TNFSF4: variants seen among roughly 807,000 people sequenced by gnomAD.
TNFSF4 encodes tumor necrosis factor ligand superfamily member 4.
A neutral mutation model predicts 7.3 loss-of-function variants in TNFSF4; 4 were observed. The ratio of observed to expected loss-of-function variants is 0.55; its 90% confidence interval spans 0.27 to 1.25. The LOEUF is 1.25. Ranked by LOEUF, TNFSF4 falls within the 50% of genes most tolerant of loss-of-function variation. TNFSF4 has a pLI of 0.12. For missense variants in TNFSF4, 181 were observed against 208.8 expected (o/e 0.87, Z 0.82); for synonymous variants, 76 against 83.7 (o/e 0.91, Z 0.50).
chr1:173,177,863 A>G, the TNFSF4 span, among the ~76,000 whole-genome samples: 1 of 152,230 alleles, frequency 6.6e-6, no homozygotes, highest in Non-Finnish European at 1.5e-5. Flanking sequence ...AATTCAAAAA[A>G]AGTAAAAGAT....
the TNFSF4 span, among the ~76,000 whole-genome samples, chr1:173,426,752 C>T: frequency 6.6e-6 from 1 of 152,114 alleles, no homozygotes; most frequent in Non-Finnish European, 1.5e-5. Flanking sequence ...ACCACCACAC[C>T]CAGCAGATTT....
the TNFSF4 span, among the ~76,000 whole-genome samples, chr1:173,335,399 G>T: frequency 6.6e-6 from 1 of 152,102 alleles, no homozygotes; most frequent in South Asian, 2.1e-4. Context: ...CTCCGTAGGG[G>T]CCAGACATTA....
At chr1:173,350,498 C>T in the TNFSF4 span, among the ~76,000 whole-genome samples, 2 of 152,142 alleles carry the variant, frequency 1.3e-5, no homozygotes, top group Non-Finnish European at 2.9e-5. Context: ...CAGTTTCATT[C>T]TGATGATAAG....
chr1:173,300,392 C>T, the TNFSF4 span, among the ~76,000 whole-genome samples: 7 of 151,858 alleles, frequency 4.6e-5, no homozygotes, highest in Admixed American at 4.6e-4. Context: ...ATAGTATCTG[C>T]CACTTGGATT....
chr1:173,240,437 A>G, the TNFSF4 span, among the ~76,000 whole-genome samples: 1 of 152,224 alleles, frequency 6.6e-6, no homozygotes, highest in Admixed American at 6.5e-5. Context: ...AATAAAAGCA[A>G]TTAAATCTAA....
the TNFSF4 span, among the ~76,000 whole-genome samples, chr1:173,284,637 T>C: frequency 6.6e-6 from 1 of 152,168 alleles, no homozygotes; most frequent in Non-Finnish European, 1.5e-5. Flanking sequence ...TGACTTTAAG[T>C]TGAAGCCAAT....
chr1:173,212,638 A>G, the TNFSF4 span, among the ~76,000 whole-genome samples: 1 of 151,882 alleles, frequency 6.6e-6, no homozygotes, highest in Non-Finnish European at 1.5e-5. Flanking sequence ...TAGGGTGACT[A>G]TAGTCAATAA....
At chr1:173,235,869 G>C in the TNFSF4 span, among the ~76,000 whole-genome samples, 2 of 152,102 alleles carry the variant, frequency 1.3e-5, no homozygotes, top group Non-Finnish European at 2.9e-5. Context: ...TCATCTTGCT[G>C]GACTTAATGC....
the TNFSF4 span, among the ~76,000 whole-genome samples, chr1:173,247,840 T>A: frequency 6.6e-6 from 1 of 152,214 alleles, no homozygotes; most frequent in Non-Finnish European, 1.5e-5. Flanking sequence ...TAGTTGGATA[T>A]GGTCTCTGCC....
At chr1:173,319,365 A>G in the TNFSF4 span, among the ~76,000 whole-genome samples, 1 of 152,124 alleles carries the variant, frequency 6.6e-6, no homozygotes, top group East Asian at 1.9e-4. Flanking sequence ...TAAATCTCTC[A>G]TCTCCCTGGG....
chr1:173,272,724 T>C, the TNFSF4 span, among the ~76,000 whole-genome samples: 1 of 152,160 alleles, frequency 6.6e-6, no homozygotes, highest in Non-Finnish European at 1.5e-5. Flanking sequence ...TCCCCAAAAA[T>C]GTTGCCACGA....
chr1:173,262,928 C>G, the TNFSF4 span, among the ~76,000 whole-genome samples: 1 of 152,174 alleles, frequency 6.6e-6, no homozygotes, highest in Non-Finnish European at 1.5e-5. Context: ...TGATAAACAA[C>G]TTCGGCAACA....
chr1:173,241,351 A>G, the TNFSF4 span, among the ~76,000 whole-genome samples: 2 of 152,178 alleles, frequency 1.3e-5, no homozygotes, highest in African/African-American at 4.8e-5. Flanking sequence ...GACCCCCCTG[A>G]TCTGAATATA....
chr1:173,307,599 T>C, the TNFSF4 span, among the ~76,000 whole-genome samples: 98 of 152,076 alleles, frequency 6.4e-4, no homozygotes, highest in Admixed American at 1.0e-3. Flanking sequence ...TTAAATTTTC[T>C]GAATGCAATA....
At chr1:173,210,301 A>C (rs1159517932), upstream of TNFSF4, among the ~76,000 whole-genome samples, 3 of 152,202 alleles carry the variant, frequency 2.0e-5, no homozygotes, top group African/African-American at 7.2e-5. Flanking sequence ...GTATCAGTGC[A>C]GAAGGGAAGG....
chr1:173,446,824 C>T, the TNFSF4 span, among the ~76,000 whole-genome samples: 1 of 152,220 alleles, frequency 6.6e-6, no homozygotes, highest in African/African-American at 2.4e-5. Context: ...CAGCTGCAGA[C>T]AAGGCTGCAC....
chr1:173,227,886 G>C, the TNFSF4 span, among the ~76,000 whole-genome samples: 650 of 152,296 alleles, frequency 4.3e-3, 4 homozygotes, highest in Non-Finnish European at 4.8e-3. Flanking sequence ...GCGAGGCTGG[G>C]GGAGGGGCGC....
At chr1:173,290,589 A>G in the TNFSF4 span, among the ~76,000 whole-genome samples, 1 of 152,208 alleles carries the variant, frequency 6.6e-6, no homozygotes, top group Non-Finnish European at 1.5e-5. Context: ...CAGATTCATA[A>G]AACGAATTCT....
the TNFSF4 span, among the ~76,000 whole-genome samples, chr1:173,227,165 T>C: frequency 6.6e-6 from 1 of 152,046 alleles, no homozygotes; most frequent in Non-Finnish European, 1.5e-5. Flanking sequence ...ATAAATATTT[T>C]TACCCTTCTC....
Sources: gnomAD v4.1 joint callset for allele counts (sites outside exome capture counted in the v4.1 genomes callset) on GRCh38, gnomAD v4.1.1 for gene constraint, MANE v1.5 for transcripts, NCBI Gene and HGNC (gene_info 2026-07-23, HGNC 2026-07-21) for gene names.